Variants in SLC31A1 observed in about 807,000 individuals in gnomAD.
SLC31A1 encodes the protein high affinity copper uptake protein 1.
A neutral mutation model predicts 17.2 loss-of-function variants in SLC31A1; 5 were observed. The observed-to-expected ratio is 0.29, with a 90% CI of 0.15 to 0.61. The LOEUF (loss-of-function observed/expected upper bound fraction) is 0.61. SLC31A1 is among the 20% of genes least tolerant of loss of function. The pLI is 0.86. For synonymous variants in SLC31A1, 76 were observed against 78.8 expected, an observed-to-expected ratio of 0.96 and a Z score of 0.19; for missense variants, 161 against 241.4, an observed-to-expected ratio of 0.67 and a Z score of 2.21.
chr9:113,259,579 CTTTCT>C (rs895280276), intron 4 of SLC31A1, among the ~76,000 whole-genome samples: 15 of 134,970 alleles, frequency 1.1e-4, no homozygotes, highest in Non-Finnish European at 1.4e-4. Flanking sequence ...TTCTTTTTTT[CTTTCT>C]TTTTTTTTTT....
At chr9:113,249,687 C>T (rs960537591) in intron 1 of SLC31A1, among the ~76,000 whole-genome samples, 1 of 152,056 alleles carries the variant, frequency 6.6e-6, no homozygotes, top group African/African-American at 2.4e-5. Flanking sequence ...AATCTTTCTA[C>T]CCTAGTTATA....
At chr9:113,230,176 C>CA (rs1831385708) in intron 1 of SLC31A1, among the ~76,000 whole-genome samples, 1 of 152,176 alleles carries the variant, frequency 6.6e-6, no homozygotes, top group Non-Finnish European at 1.5e-5. Flanking sequence ...GATAACTTTA[C>CA]AAAGTGTATG....
In SLC31A1 at chr9:113,256,271, G is replaced by A. The variant is rs1030635956; in HGVS notation, c.123G>A (p.Met41Ile). The change falls in exon 2 of 5, where the codon ATG (methionine) becomes ATA (isoleucine). Residue 41 changes from methionine to isoleucine, a missense_variant. Coordinates refer to ENST00000374212, the MANE Select transcript of SLC31A1 (RefSeq NM_001859.4). ...HSHGGGDSSM[M>I]MMPMTFYFGF... ...ATGGTGGAGGAGACAGCAGCATGAT[G>A]ATGATGGTGAGTGCCATAGGAGGGG... 1.2e-6 allele frequency: 2 copies of A among 1,613,990 alleles called. No individual in the cohort carries two copies. The highest frequency in any genetic ancestry group is 3.3e-5 in the Admixed American group (2 of 59,996).
At chr9:113,256,518 T>C in intron 2 of SLC31A1, 1 of 415,614 alleles carries the variant, frequency 2.4e-6, no homozygotes, top group South Asian at 3.3e-5. Context: ...AAATCGACTC[T>C]TTTCTGAATT....
chr9:113,260,184 G>T, intron 4 of SLC31A1, 88 bp from the exon 5 acceptor site: 1 of 1,143,102 alleles, frequency 8.7e-7, no homozygotes, highest in South Asian at 1.2e-5. Flanking sequence ...AGTTCCAGCT[G>T]AGCTCATGGC....
chr9:113,261,866 G>A lies in SLC31A1; in HGVS notation c.*1393G>A, dbSNP rs912043343. On this transcript the variant is annotated 3_prime_UTR_variant, in exon 5 of 5. Coordinates refer to ENST00000374212, the MANE Select transcript of SLC31A1 (RefSeq NM_001859.4). ...GCATGGAAATTTGAATTGCTGATTG[G>A]TAGATGGTGTGTCTGGACTTAACTC... The A allele has an allele frequency of 6.6e-6, 1 of 152,638 alleles. No individual in the cohort carries two copies. The highest frequency in any genetic ancestry group is 1.5e-5 in the Non-Finnish European group (1 of 68,050). The allele number at this position is 152,638 out of a possible 1,614,324, so 9.5% of individuals were successfully genotyped here. A position where few individuals can be genotyped will look rare whatever the true frequency, so the allele number is the denominator to read the frequency against.
rs1831758735 is a variant in SLC31A1, at chr9:113,258,970, T to C, written c.371+108T>C. On this transcript the variant is annotated intron_variant, in intron 4 of 4. Coordinates refer to ENST00000374212, the MANE Select transcript of SLC31A1 (RefSeq NM_001859.4). The surrounding 1 kb of genome is among the most constrained non-coding windows in gnomAD (Gnocchi z 4.8). ...CCCTCTTCTTGAGTTAGGAGTTCTGTATGACCTTGATCAAAACTGTCCTTG... is the reference window on the plus strand; with the variant it reads ...CCCTCTTCTTGAGTTAGGAGTTCTGCATGACCTTGATCAAAACTGTCCTTG... 1.7e-6 allele frequency: 2 copies of C among 1,179,754 alleles called. No homozygotes were observed. Among genetic ancestry groups the C allele is most frequent in the East Asian group, 4.7e-5 (2 of 42,428 alleles). 73.1% of individuals were successfully genotyped at this position (1,179,754 alleles called of 1,614,324 possible).
chr9:113,240,488 C>T (rs907977500), intron 1 of SLC31A1, among the ~76,000 whole-genome samples: 4 of 152,032 alleles, frequency 2.6e-5, no homozygotes, highest in African/African-American at 9.7e-5. Flanking sequence ...AAGTCAATTT[C>T]TGTAAGAGAA....
Position 113,258,610 on chromosome 9 carries a change from A to T in SLC31A1, c.203-84A>T. ...AAAAGCTGAGAGTAGCATTTTTTCT[A>T]TGTGTCTTTCTAGCTGGACAGCACA... On this transcript the variant is annotated intron_variant, in intron 3 of 4. Transcript: ENST00000374212. This position sits in a 1 kb window ranked among gnomAD's most constrained non-coding sequence, Gnocchi z 4.8. 2.1e-6 allele frequency: 3 copies of T among 1,446,868 alleles called. No individual in the cohort carries two copies. Among genetic ancestry groups the T allele is most frequent in the Admixed American group, 1.7e-5 (1 of 59,222 alleles). 89.6% of individuals were successfully genotyped at this position (1,446,868 alleles called of 1,614,324 possible).
intron 1 of SLC31A1, among the ~76,000 whole-genome samples, chr9:113,223,680 C>T (rs376379705): frequency 3.6e-4 from 55 of 152,302 alleles, no homozygotes; most frequent in African/African-American, 1.3e-3. Flanking sequence ...CCACCCTCCA[C>T]TCCCCTTACT....
chr9:113,256,546 T>C, intron 2 of SLC31A1: 1 of 355,408 alleles, frequency 2.8e-6, no homozygotes, highest in Non-Finnish European at 5.2e-6. Context: ...CTGGTCTTTA[T>C]GCCTTGGGTG....
chr9:113,229,752 A>G (rs1187785063), intron 1 of SLC31A1, among the ~76,000 whole-genome samples: 1 of 152,212 alleles, frequency 6.6e-6, no homozygotes, highest in African/African-American at 2.4e-5. Flanking sequence ...GAAAATGATT[A>G]GTGGAAAAGA....
chr9:113,246,017 G>A (rs1263532999), intron 1 of SLC31A1, among the ~76,000 whole-genome samples: 2 of 151,914 alleles, frequency 1.3e-5, no homozygotes, highest in Non-Finnish European at 2.9e-5. Context: ...TCCCCAAAAG[G>A]TGTGTGGGAT....
At chr9:113,238,646 C>T (rs527822054) in intron 1 of SLC31A1, among the ~76,000 whole-genome samples, 9 of 152,300 alleles carry the variant, frequency 5.9e-5, no homozygotes, top group East Asian at 1.9e-4. Context: ...CCTGTAATCC[C>T]GCCTACTTGG....
At chr9:113,228,057 A>G (rs1410426667) in intron 1 of SLC31A1, among the ~76,000 whole-genome samples, 5 of 152,228 alleles carry the variant, frequency 3.3e-5, no homozygotes, top group Non-Finnish European at 7.3e-5. Context: ...TTACAATACT[A>G]TGAGATTGGC....
At position 113,258,584 on chromosome 9, in the gene SLC31A1, C is replaced by G; in HGVS notation, c.203-110C>G. On this transcript the variant is annotated intron_variant, in intron 3 of 4. Coordinates refer to ENST00000374212, the MANE Select transcript of SLC31A1 (RefSeq NM_001859.4). This position sits in a 1 kb window ranked among gnomAD's most constrained non-coding sequence, Gnocchi z 4.8. ...AGAAGAGGTAAAAATATAATGTCTT[C>G]AAAAGCTGAGAGTAGCATTTTTTCT... 1 of 1,208,226 alleles carries G rather than the reference C, an allele frequency of 8.3e-7. No individual in the cohort carries two copies. 74.8% of individuals were successfully genotyped at this position (1,208,226 alleles called of 1,614,324 possible).
intron 1 of SLC31A1, among the ~76,000 whole-genome samples, chr9:113,228,089 G>GTTTTGCAAA (rs1447431373): frequency 2.0e-5 from 3 of 152,166 alleles, no homozygotes; most frequent in South Asian, 2.1e-4. Context: ...TTTAATATCT[G>GTTTTGCAAA]TTTTGCAAAT....
chr9:113,249,318 TAAATG>T (rs1831619692), intron 1 of SLC31A1, among the ~76,000 whole-genome samples: 1 of 140,058 alleles, frequency 7.1e-6, no homozygotes, highest in African/African-American at 2.7e-5. Flanking sequence ...AAAAAAAAAG[TAAATG>T]AAAGGGCAGT....
intron 1 of SLC31A1, among the ~76,000 whole-genome samples, chr9:113,237,854 A>G (rs748306653): frequency 2.0e-5 from 3 of 152,240 alleles, no homozygotes; most frequent in Admixed American, 1.3e-4. Context: ...GAATCAATCA[A>G]TCAACAAGTA....
Sources: gnomAD v4.1 joint callset for allele counts (sites outside exome capture counted in the v4.1 genomes callset) on GRCh38, gnomAD v4.1.1 for gene constraint, Gnocchi (gnomAD v3.1) non-coding constraint, MANE v1.5 for transcripts, NCBI Gene and HGNC (gene_info 2026-07-23, HGNC 2026-07-21) for gene names.